The following CHL1 variants were observed in gnomAD, a reference collection of about 807,000 sequenced individuals.
CHL1 encodes the protein cell adhesion molecule L1 like.
In CHL1, 96 loss-of-function variants were observed where a neutral mutation model predicts 141.9. That is an observed-to-expected ratio of 0.68 (90% CI 0.57 to 0.80). CHL1 has a LOEUF of 0.80. CHL1 is among the 30% of genes least tolerant of loss of function. CHL1 has a pLI of 0.00. For synonymous variants in CHL1, 613 were observed against 502.2 expected (o/e 1.22, Z -2.95); for missense variants, 1,820 against 1,457.2 (o/e 1.25, Z -4.05).
At chr3:252,361 GATAT>G (rs71058760) in intron 2 of CHL1, among the ~76,000 whole-genome samples, 1,260 of 54,266 alleles carry the variant, frequency 0.023, 12 homozygotes, top group African/African-American at 0.028. Flanking sequence ...AAAGCATCCA[GATAT>G]ATATATATAT....
rs1012141663 is a variant in CHL1, at chr3:377,960, T to G, written c.1876+18T>G. The G allele has an allele frequency of 1.3e-6, 2 of 1,583,186 alleles. No homozygotes were observed. The highest frequency in any genetic ancestry group is 2.8e-5 in the African/African-American group (2 of 72,502). ...TGTTCTTGGTAAGTGCACTAACTAA[T>G]GAGAAATCTGTTCATTTCTTCATTT... On this transcript the variant is annotated intron_variant, in intron 16 of 27. Transcript: ENST00000256509.
chr3:337,942 A>AGCC lies in CHL1; in HGVS notation c.386-2852_386-2851insGCC, dbSNP rs375051526. The stretch of plus-strand genomic sequence containing the variant: ...TTCTAGTTCTAGATCCCTGAGGAAT[A>AGCC]ACACTGTCTTCCACAATGGTTGAAC... On this transcript the variant is annotated intron_variant, in intron 5 of 27. Coordinates refer to ENST00000256509, the MANE Select transcript of CHL1 (RefSeq NM_006614.4). Among the ~76,000 whole-genome samples, 361 of 152,234 alleles carry AGCC rather than the reference A, an allele frequency of 2.4e-3. 1 individual carries two copies. Among genetic ancestry groups the AGCC allele is most frequent in the Non-Finnish European group, 3.4e-3 (231 of 68,018 alleles).
intron 1 of CHL1, chr3:217,637 C>T (rs1397490146): frequency 6.6e-6 from 1 of 152,428 alleles, no homozygotes; most frequent in Non-Finnish European, 1.5e-5. Flanking sequence ...TTGGCCCCAT[C>T]TGGAATGGAC....
intron 9 of CHL1, among the ~76,000 whole-genome samples, chr3:346,178 C>T (rs1179439467): frequency 6.6e-6 from 1 of 152,184 alleles, no homozygotes; most frequent in Non-Finnish European, 1.5e-5. Context: ...TTTACAGCCC[C>T]TAAGCTTTGT....
Position 341,894 on chromosome 3 carries a change from C to A in CHL1, c.509-18C>A, listed in dbSNP as rs1303963820. ...AAGGGACAATTGCCCTTTTCAATGG[C>A]AAGATATCTCTTTTCAGAATTAGAA... On this transcript the variant is annotated intron_variant, in intron 6 of 27. Transcript: ENST00000256509. 2.6e-6 allele frequency: 4 copies of A among 1,552,836 alleles called. No homozygotes were observed. In the East Asian group the frequency reaches 9.2e-5, roughly 36 times the overall value.
At chr3:376,267 T>G in intron 15 of CHL1, 1 of 399,420 alleles carries the variant, frequency 2.5e-6, no homozygotes, top group East Asian at 7.1e-5. Flanking sequence ...CCGTGTGTGA[T>G]TTTCTGTGTG....
At chr3:310,995 C>G (rs147921028) in intron 2 of CHL1, among the ~76,000 whole-genome samples, 1 of 152,152 alleles carries the variant, frequency 6.6e-6, no homozygotes, top group African/African-American at 2.4e-5. Context: ...CTGGTGTTTT[C>G]AAATTGGCCT....
intron 1 of CHL1, among the ~76,000 whole-genome samples, chr3:220,789 G>A (rs946264568): frequency 4.6e-5 from 7 of 152,238 alleles, no homozygotes; most frequent in South Asian, 2.1e-4. Flanking sequence ...AAATGAGAAC[G>A]CTCATGCTCT....
chr3:332,926 T>C (rs1701552802), intron 5 of CHL1, among the ~76,000 whole-genome samples: 1 of 152,032 alleles, frequency 6.6e-6, no homozygotes, highest in Non-Finnish European at 1.5e-5. Context: ...CAGCTAGATC[T>C]ATTGCAAAGA....
intron 1 of CHL1, among the ~76,000 whole-genome samples, chr3:236,930 A>G (rs933594571): frequency 2.0e-5 from 3 of 151,908 alleles, no homozygotes; most frequent in Admixed American, 1.3e-4. Flanking sequence ...TGAAATTCTC[A>G]TGTCGTGGAT....
At chr3:266,479 T>C (rs1217133938) in intron 2 of CHL1, among the ~76,000 whole-genome samples, 1 of 152,140 alleles carries the variant, frequency 6.6e-6, no homozygotes, top group Non-Finnish European at 1.5e-5. Context: ...TTGGAATTAA[T>C]AAAAATTATG....
intron 5 of CHL1, among the ~76,000 whole-genome samples, chr3:336,304 A>G (rs534616872): frequency 2.0e-5 from 3 of 152,300 alleles, no homozygotes; most frequent in African/African-American, 7.2e-5. Context: ...TTTTGTTCCT[A>G]GAGTGCCGGA....
chr3:234,191 G>GTATATATATATATATATA (rs72470006), intron 1 of CHL1, among the ~76,000 whole-genome samples: 23 of 143,580 alleles, frequency 1.6e-4, no homozygotes, highest in Non-Finnish European at 3.4e-4. Context: ...ATGTGTGTGT[G>GTATATATATATATATATA]TGTATATATA....
rs998083987 is a variant in CHL1 at position 361,853 on chromosome 3, T to C, written c.1418+43T>C. ...GGTTTTCTTAAGAGAATGTCAATTG[T>C]AGATTTGACCTTGTTTCTTCATCCG... On this transcript the variant is annotated intron_variant, in intron 13 of 27. Coordinates refer to ENST00000256509, the MANE Select transcript of CHL1 (RefSeq NM_006614.4). 6 of 1,291,638 alleles carry C rather than the reference T, an allele frequency of 4.6e-6. No homozygotes were observed. In the African/African-American group the frequency reaches 5.9e-5, roughly 13 times the overall value. 80.0% of individuals were successfully genotyped at this position (1,291,638 alleles called of 1,614,324 possible). A position where few individuals can be genotyped will look rare whatever the true frequency, so the allele number is the denominator to read the frequency against.
chr3:210,637 C>G (rs1699834766), intron 1 of CHL1, among the ~76,000 whole-genome samples: 1 of 152,234 alleles, frequency 6.6e-6, no homozygotes, highest in African/African-American at 2.4e-5. Context: ...AAAGGAAACT[C>G]TCATCCAACT....
At chr3:338,028 C>G (rs1384979438) in intron 5 of CHL1, among the ~76,000 whole-genome samples, 1 of 152,150 alleles carries the variant, frequency 6.6e-6, no homozygotes, top group Non-Finnish European at 1.5e-5. Context: ...CTCTCCAGCA[C>G]CTTTTTTTGG....
rs59367587 is a variant in CHL1, at chr3:352,096, T to C, written c.1034-2544T>C. On this transcript the variant is annotated intron_variant, in intron 10 of 27. Coordinates refer to ENST00000256509, the MANE Select transcript of CHL1 (RefSeq NM_006614.4). ...GAAATAGGAAAGCATTTATATGTAA[T>C]TATAGAGCCATAGTATAATCCAAAA... Among the ~76,000 whole-genome samples, 862 of 152,290 alleles carry C rather than the reference T, an allele frequency of 5.7e-3. 9 individuals are homozygous for C. Among genetic ancestry groups the C allele is most frequent in the African/African-American group, 0.02 (830 of 41,578 alleles).
rs563831279 is a variant in CHL1 at position 214,167 on chromosome 3, C to G, written c.-175+17104C>G. 1.2e-3 allele frequency among the ~76,000 whole-genome samples: 186 copies of G among 152,272 alleles called. 1 individual carries two copies. Among genetic ancestry groups the G allele is most frequent in the African/African-American group, 4.1e-3 (171 of 41,566 alleles). On this transcript the variant is annotated intron_variant, in intron 1 of 27. Transcript: ENST00000256509. Reference sequence around the variant, plus strand: ...AGGTGCTTTTCGATTGTGAGACGACCAAGAAATTAGCTGATCCCAGCAGAA... The same window carrying G: ...AGGTGCTTTTCGATTGTGAGACGACGAAGAAATTAGCTGATCCCAGCAGAA...
intron 5 of CHL1, among the ~76,000 whole-genome samples, chr3:334,332 C>T (rs1170619441): frequency 6.6e-6 from 1 of 152,032 alleles, no homozygotes; most frequent in African/African-American, 2.4e-5. Flanking sequence ...ACACTATGCC[C>T]CACCAATGAC....
Sources: allele counts gnomAD v4.1 joint callset (sites outside exome capture counted in the v4.1 genomes callset), GRCh38; gene constraint gnomAD v4.1.1; transcripts MANE v1.5; gene names NCBI Gene and HGNC (gene_info 2026-07-23, HGNC 2026-07-21).